The following RBFOX3 variants were observed in gnomAD, a reference collection of about 807,000 sequenced individuals.
The protein encoded by RBFOX3 is RNA binding fox-1 homolog 3.
A neutral mutation model predicts 48.7 loss-of-function variants in RBFOX3; 17 were observed. The observed-to-expected ratio is 0.35, with a 90% CI of 0.24 to 0.52. The LOEUF (loss-of-function observed/expected upper bound fraction) is 0.52, where lower values mean the gene tolerates loss of function less well. Ranked by LOEUF, RBFOX3 falls within the 20% of genes least tolerant of loss-of-function variation. The pLI, the probability that RBFOX3 is intolerant of heterozygous loss-of-function variation, is 0.94. For synonymous variants in RBFOX3, 212 were observed against 209.5 expected, an observed-to-expected ratio of 1.01 and a Z score of -0.10; for missense variants, 382 against 497.5, an observed-to-expected ratio of 0.77 and a Z score of 2.21.
intron 4 of RBFOX3, among the ~76,000 whole-genome samples, chr17:79,177,352 T>C (rs1032038321): frequency 2.0e-5 from 3 of 152,216 alleles, no homozygotes; most frequent in Non-Finnish European, 4.4e-5. Context: ...CGGCAGCCGT[T>C]TGTGCTTCCC....
chr17:79,127,148 G>A (rs944451711), intron 4 of RBFOX3, among the ~76,000 whole-genome samples: 1 of 152,224 alleles, frequency 6.6e-6, no homozygotes, highest in Admixed American at 6.5e-5. Context: ...ATCCGGGCCA[G>A]CCTTCCAAAT....
chr17:79,478,189 G>C (rs2078233547), intron 2 of RBFOX3, among the ~76,000 whole-genome samples: 1 of 152,198 alleles, frequency 6.6e-6, no homozygotes, highest in African/African-American at 2.4e-5. Flanking sequence ...CAGTTTAACA[G>C]CTTTTAAAAA....
chr17:79,475,679 T>C (rs1376134725), intron 2 of RBFOX3, among the ~76,000 whole-genome samples: 1 of 152,094 alleles, frequency 6.6e-6, no homozygotes, highest in Admixed American at 6.5e-5. Context: ...CGTGCACACA[T>C]GTACACACAC....
intron 2 of RBFOX3, among the ~76,000 whole-genome samples, chr17:79,442,862 G>A (rs963548111): frequency 6.6e-6 from 1 of 152,138 alleles, no homozygotes. Context: ...CTCAGCTCCC[G>A]GGTAGAATCA....
chr17:79,210,151 G>C (rs1388587756), intron 4 of RBFOX3, among the ~76,000 whole-genome samples: 2 of 152,342 alleles, frequency 1.3e-5, no homozygotes, highest in East Asian at 1.9e-4. Context: ...TACCTGCCTG[G>C]GGGGAGGGAT....
chr17:79,234,556 G>C (rs572134855), intron 4 of RBFOX3: 19 of 152,188 alleles, frequency 1.2e-4, no homozygotes, highest in African/African-American at 3.6e-4. Context: ...CCAAAACCCA[G>C]GACCTAGCGA....
intron 4 of RBFOX3, chr17:79,235,506 A>C (rs1034213396): frequency 6.5e-6 from 1 of 152,770 alleles, no homozygotes; most frequent in Non-Finnish European, 1.5e-5. Context: ...CCATTTATCC[A>C]TTTCCCTTTC....
rs548848454 is a variant in RBFOX3, at chr17:79,198,626, CTCTCT to C, written c.-34+37135_-34+37139del. Among the ~76,000 whole-genome samples the C allele has an allele frequency of 1.3e-3, 68 of 53,540 alleles. No individual in the cohort carries two copies. The South Asian group carries it at 0.024, about 19-fold the overall frequency. The allele number at this position is 53,540 out of a possible 152,430, so 35.1% of individuals were successfully genotyped here. A position where few individuals can be genotyped will look rare whatever the true frequency, so the allele number is the denominator to read the frequency against. ...GCCTCCCTGCTTTTGAACTTTCTCT[CTCTCT>C]TTTTTTTTTTTTAAGATGGAGTCTT... is the stretch of plus-strand genomic sequence containing the variant. On this transcript the variant is annotated intron_variant, in intron 4 of 14. Transcript: ENST00000693108. This position sits in a 1 kb window ranked among gnomAD's most constrained non-coding sequence, Gnocchi z 8.2.
rs959775923 is a variant in RBFOX3, at chr17:79,580,774, C to T, written c.-320+30052G>A. Among the ~76,000 whole-genome samples the T allele has an allele frequency of 2.6e-5, 4 of 152,180 alleles. No homozygotes were observed. The East Asian group carries it at 5.8e-4, about 22-fold the overall frequency. The stretch of plus-strand genomic sequence containing the variant: ...CAGAGAGGAAAGAGGGATGGATACA[C>T]TCCATCCTAACCCATGGCAGACACG... On this transcript the variant is annotated intron_variant, in intron 1 of 14. Coordinates refer to ENST00000693108, the MANE Select transcript of RBFOX3 (RefSeq NM_001350451.2).
intron 2 of RBFOX3, among the ~76,000 whole-genome samples, chr17:79,315,390 C>T (rs1568026948): frequency 6.6e-6 from 1 of 152,180 alleles, no homozygotes; most frequent in Admixed American, 6.5e-5. Context: ...GTGCTGGATG[C>T]AGAGGCGGCT....
chr17:79,401,284 C>T (rs991276611), intron 2 of RBFOX3, among the ~76,000 whole-genome samples: 2 of 152,232 alleles, frequency 1.3e-5, no homozygotes, highest in Non-Finnish European at 2.9e-5. Context: ...CCCCTGCGCA[C>T]GCTGCTGCTC....
chr17:79,297,600 A>G (rs953007901), intron 3 of RBFOX3, among the ~76,000 whole-genome samples: 2 of 152,256 alleles, frequency 1.3e-5, no homozygotes, highest in Admixed American at 1.3e-4. Flanking sequence ...AGTGCCTGCC[A>G]CAAAGCAGGT....
At chr17:79,263,275 C>T (rs572513648) in intron 3 of RBFOX3, among the ~76,000 whole-genome samples, 1 of 152,378 alleles carries the variant, frequency 6.6e-6, no homozygotes, top group African/African-American at 2.4e-5. Context: ...CTGCTCTTTC[C>T]TCTCTCCCGG....
At position 79,106,724 on chromosome 17, in the gene RBFOX3, T is replaced by C. The variant is rs2077446703; in HGVS notation, c.287A>G (p.Gln96Arg). Residue 96 changes from glutamine to arginine, a missense_variant, in exon 6 of 15, where the codon CAG (glutamine) becomes CGG (arginine). By Grantham distance (43) the Gln-to-Arg change is conservative (BLOSUM62 1). Around this residue, in one of 3 missense-constraint regions of RBFOX3, gnomAD observed 118 missense variants for 132.1 expected, o/e 0.89. Transcript: ENST00000693108. ...GGAGACGTGTAGCCGCTTGGGCTGCTGCTTCTCTGTAGGGTCGGAGGGGTG... is the reference window on the plus strand; with the variant it reads ...GGAGACGTGTAGCCGCTTGGGCTGCCGCTTCTCTGTAGGGTCGGAGGGGTG... ...PLHPSDPTEK[Q>R]QPKRLHVSNI... is the part of the protein sequence containing the mutation. The C allele has an allele frequency of 2.0e-6, 3 of 1,503,186 alleles. No individual in the cohort carries two copies. The African/African-American group carries it at 4.3e-5, about 22-fold the overall frequency. 93.1% of individuals were successfully genotyped at this position (1,503,186 alleles called of 1,614,324 possible).
At chr17:79,171,336 C>T (rs886131482) in intron 4 of RBFOX3, among the ~76,000 whole-genome samples, 5 of 152,222 alleles carry the variant, frequency 3.3e-5, no homozygotes, top group African/African-American at 7.2e-5. Context: ...CTGCCATCTG[C>T]GGACAGGGCT....
At chr17:79,400,415 C>G (rs2062645461) in intron 2 of RBFOX3, among the ~76,000 whole-genome samples, 1 of 152,212 alleles carries the variant, frequency 6.6e-6, no homozygotes, top group Admixed American at 6.5e-5. Flanking sequence ...GCGTTTTTGT[C>G]TTCCTACAAG....
intron 1 of RBFOX3, among the ~76,000 whole-genome samples, chr17:79,485,559 A>C (rs2079451693): frequency 6.6e-6 from 1 of 151,900 alleles, no homozygotes; most frequent in Non-Finnish European, 1.5e-5. Context: ...TAGATTCCAC[A>C]TCCCCCCAGA....
intron 4 of RBFOX3, among the ~76,000 whole-genome samples, chr17:79,167,652 G>C (rs1047767846): frequency 6.6e-6 from 1 of 152,142 alleles, no homozygotes; most frequent in African/African-American, 2.4e-5. Flanking sequence ...GCCTGCCCCC[G>C]CAGAGGAAGC....
Position 79,391,324 on chromosome 17 carries a change from G to A in RBFOX3, c.-174-83500C>T, listed in dbSNP as rs1402169342. Among the ~76,000 whole-genome samples the A allele has an allele frequency of 6.6e-6, 1 of 152,092 alleles. No homozygotes were observed. Among genetic ancestry groups the A allele is most frequent in the Non-Finnish European group, 1.5e-5 (1 of 68,018 alleles). On this transcript the variant is annotated intron_variant, in intron 2 of 14. Coordinates refer to ENST00000693108, the MANE Select transcript of RBFOX3 (RefSeq NM_001350451.2). The surrounding 1 kb of genome is among the most constrained non-coding windows in gnomAD (Gnocchi z 5.0). ...CCTCAATGACCAGCTGTCTCAGGGG[G>A]AGAAAAAGGGAGGATTTAAACCCAG...
Sources: allele counts gnomAD v4.1 joint callset (sites outside exome capture counted in the v4.1 genomes callset), GRCh38; gene constraint gnomAD v4.1.1; regional missense constraint gnomAD v4.1.1; non-coding constraint Gnocchi (gnomAD v3.1); transcripts MANE v1.5; gene names NCBI Gene and HGNC (gene_info 2026-07-23, HGNC 2026-07-21).